The following GDA variants were observed in gnomAD, a reference collection of about 807,000 sequenced individuals.
GDA encodes the protein cytoplasmic PSD-95 interactor.
GDA carries 18 observed loss-of-function variants against 59.6 expected under a neutral mutation model. The observed-to-expected ratio is 0.30, with a 90% CI of 0.21 to 0.45. GDA has a LOEUF of 0.45. Ranked by LOEUF, GDA falls within the 20% of genes least tolerant of loss-of-function variation. The probability of loss-of-function intolerance (pLI) is 1.00; values close to 1 mark genes in which losing one functional copy is unlikely to be tolerated. For missense variants in GDA, 427 were observed against 552.3 expected (o/e 0.77, Z 2.27); for synonymous variants, 201 against 201.1 (o/e 1.00, Z 0.00).
intron 7 of GDA, among the ~76,000 whole-genome samples, chr9:72,225,058 G>A (rs748656781): frequency 2.0e-5 from 3 of 152,176 alleles, no homozygotes; most frequent in Non-Finnish European, 4.4e-5. Flanking sequence ...GAGCCCGGCA[G>A]ATTACTTGAG....
intron 1 of GDA, among the ~76,000 whole-genome samples, chr9:72,124,646 G>A (rs922813193): frequency 6.6e-6 from 1 of 152,162 alleles, no homozygotes; most frequent in Non-Finnish European, 1.5e-5. Flanking sequence ...CAAGGTGTAT[G>A]ACATCCACTA....
At position 72,149,694 on chromosome 9, in the gene GDA, C is replaced by T. The variant is rs756205176; in HGVS notation, c.123+12C>T. 1 of 1,592,552 alleles carries T rather than the reference C, an allele frequency of 6.3e-7. No homozygotes were observed. Among genetic ancestry groups the T allele is most frequent in the South Asian group, 1.1e-5 (1 of 89,182 alleles). On this transcript the variant is annotated intron_variant, in intron 1 of 13. Transcript: ENST00000358399. ...GCGACAGCGGCAAAGTAAGCAGGCG[C>T]GGGGTCGAGCGCACTCCGACGGGCG...
intron 1 of GDA, among the ~76,000 whole-genome samples, chr9:72,183,269 A>G (rs1027117406): frequency 3.3e-5 from 5 of 152,160 alleles, no homozygotes; most frequent in Non-Finnish European, 7.3e-5. Context: ...TATGTAATCA[A>G]TCTCCTGACC....
chr9:72,256,995 G>A (rs1351034515), downstream of GDA: 1 of 152,290 alleles, frequency 6.6e-6, no homozygotes, highest in Admixed American at 6.5e-5. Context: ...TTCCCAGGCT[G>A]ATCTTGATAT....
Position 72,231,171 on chromosome 9 carries a change from G to T in GDA, c.978G>T (p.Gly326=), listed in dbSNP as rs772432458. 28 of 1,564,912 alleles carry T rather than the reference G, an allele frequency of 1.8e-5. No individual in the cohort carries two copies. The South Asian group carries it at 2.3e-4, about 13-fold the overall frequency. The stretch of plus-strand genomic sequence containing the variant: ...TCCTGAAACATGAAGTCAAGATAGG[G>T]CTGGGTACAGGTTAGTAGTTCACCA... ...LEVLKHEVKI[G]LGTDVAGGYS... is the part of the protein sequence containing the mutation. Residue 326 remains glycine (G), a synonymous_variant, in exon 10 of 14, where the codon GGG becomes GGT. Transcript: ENST00000358399.
intron 1 of GDA, among the ~76,000 whole-genome samples, chr9:72,171,668 C>T (rs1310851613): frequency 6.6e-6 from 1 of 151,546 alleles, no homozygotes; most frequent in Non-Finnish European, 1.5e-5. Context: ...CTCTTTTTTT[C>T]TTCCTCTTTT....
intron 1 of GDA, among the ~76,000 whole-genome samples, chr9:72,123,660 T>C (rs1386797379): frequency 6.6e-6 from 1 of 151,908 alleles, no homozygotes; most frequent in African/African-American, 2.4e-5. Flanking sequence ...GCTAATTTTG[T>C]ATTTTTAGTA....
chr9:72,237,245 G>A lies in GDA; in HGVS notation c.989-3907G>A, dbSNP rs558333091. On this transcript the variant is annotated intron_variant, in intron 10 of 13. Transcript: ENST00000358399. ...AGTCTGGATTCTTGCCCCACCCTCC[G>A]TGACAACTGCTTTTGCTTTTTTCTC... 8.5e-5 allele frequency among the ~76,000 whole-genome samples: 13 copies of A among 152,120 alleles called. No individual in the cohort carries two copies. In the South Asian group the frequency reaches 1.2e-3, roughly 15 times the overall value.
At chr9:72,116,713 C>G (rs538537537) in intron 1 of GDA, among the ~76,000 whole-genome samples, 19 of 152,142 alleles carry the variant, frequency 1.2e-4, no homozygotes, top group Admixed American at 9.8e-4. Context: ...TCAATGATCT[C>G]TGATTTTTCA....
Position 72,178,707 on chromosome 9 carries a change from C to T in GDA, c.124-16793C>T, listed in dbSNP as rs144351865. On this transcript the variant is annotated intron_variant, in intron 1 of 13. Transcript: ENST00000358399. ...TGCTGGGATTACAGGCGTGAGCCACCGTACCCAGCCTGGAATCGATTTTTA... is the reference window on the plus strand; with the variant it reads ...TGCTGGGATTACAGGCGTGAGCCACTGTACCCAGCCTGGAATCGATTTTTA... Among the ~76,000 whole-genome samples, 981 of 152,210 alleles carry T rather than the reference C, an allele frequency of 6.4e-3. 8 individuals are homozygous for T. The highest frequency in any genetic ancestry group is 0.023 in the African/African-American group (935 of 41,536).
intron 11 of GDA, among the ~76,000 whole-genome samples, chr9:72,243,497 A>T (rs1839840959): frequency 6.6e-6 from 1 of 152,230 alleles, no homozygotes; most frequent in Admixed American, 6.5e-5. Flanking sequence ...TTTCTTTGTC[A>T]AGGGCAAAAA....
At chr9:72,225,571 C>T (rs1025876320) in intron 7 of GDA, 106 bp from the exon 8 acceptor site, 2 of 638,106 alleles carry the variant, frequency 3.1e-6, no homozygotes, top group Non-Finnish European at 5.7e-6. Flanking sequence ...TATGTGGTCC[C>T]TTAAATAGGC....
chr9:72,256,749 T>C (rs994046628), downstream of GDA, among the ~76,000 whole-genome samples: 5 of 152,218 alleles, frequency 3.3e-5, no homozygotes, highest in African/African-American at 1.2e-4. Flanking sequence ...CTTGTCCCTA[T>C]ACATTCTGAT....
intron 3 of GDA, among the ~76,000 whole-genome samples, chr9:72,205,015 G>A (rs947807607): frequency 6.6e-5 from 10 of 150,858 alleles, no homozygotes; most frequent in African/African-American, 2.0e-4. Flanking sequence ...AGGAGGCTGA[G>A]GCATGAGAAT....
At chr9:72,157,196 T>C (rs1299558534) in intron 1 of GDA, among the ~76,000 whole-genome samples, 1 of 151,970 alleles carries the variant, frequency 6.6e-6, no homozygotes, top group African/African-American at 2.4e-5. Flanking sequence ...CTCACCACCA[T>C]GGCCAGCTAA....
intron 10 of GDA, among the ~76,000 whole-genome samples, chr9:72,236,144 C>A (rs1403905142): frequency 6.6e-6 from 1 of 152,138 alleles, no homozygotes; most frequent in Non-Finnish European, 1.5e-5. Context: ...GAAACATTCT[C>A]GCTTTTCATA....
intron 1 of GDA, among the ~76,000 whole-genome samples, chr9:72,177,452 T>G (rs1348521994): frequency 6.6e-6 from 1 of 152,162 alleles, no homozygotes; most frequent in Non-Finnish European, 1.5e-5. Flanking sequence ...TTATTTCAAA[T>G]TTAAATGCAA....
At position 72,186,129 on chromosome 9, in the gene GDA, C is replaced by A. The variant is rs561881145; in HGVS notation, c.124-9371C>A. Among the ~76,000 whole-genome samples, 39 of 152,220 alleles carry A rather than the reference C, an allele frequency of 2.6e-4. No homozygotes were observed. The South Asian group carries it at 8.1e-3, about 32-fold the overall frequency. On this transcript the variant is annotated intron_variant, in intron 1 of 13. Transcript: ENST00000358399. ...GAGTGAACGGGTTTCCTGCATAAATCCAGGAAACCTTGGGATGAAAAAGCA... is the reference window on the plus strand; with the variant it reads ...GAGTGAACGGGTTTCCTGCATAAATACAGGAAACCTTGGGATGAAAAAGCA...
intron 2 of GDA, among the ~76,000 whole-genome samples, chr9:72,199,735 C>T (rs1833698857): frequency 6.6e-6 from 1 of 152,118 alleles, no homozygotes. Flanking sequence ...TTGACCCTTG[C>T]AGTTTTTGGC....
Sources: allele counts gnomAD v4.1 joint callset (sites outside exome capture counted in the v4.1 genomes callset), GRCh38; gene constraint gnomAD v4.1.1; transcripts MANE v1.5; gene names NCBI Gene and HGNC (gene_info 2026-07-23, HGNC 2026-07-21).